Variants in USP13 observed in about 807,000 individuals in gnomAD.
USP13 encodes the protein ubiquitin carboxyl-terminal hydrolase 13.
In USP13, 68 loss-of-function variants were observed where a neutral mutation model predicts 107.8. The ratio of observed to expected loss-of-function variants is 0.63; its 90% CI spans 0.52 to 0.77. USP13 has a LOEUF of 0.77. Among genes scored for constraint, USP13 ranks in the 30% least tolerant of loss-of-function variants. The pLI, the probability that USP13 is intolerant of heterozygous loss-of-function variation, is 0.00. For missense variants in USP13, 945 were observed against 1,093.3 expected, an observed-to-expected ratio of 0.86 and a Z score of 1.91; for synonymous variants, 377 against 389.5, an observed-to-expected ratio of 0.97 and a Z score of 0.38.
At chr3:179,706,801 C>A (rs751898399) in intron 4 of USP13, 133 bp from the exon 5 acceptor site, 10 of 1,062,264 alleles carry the variant, frequency 9.4e-6, no homozygotes, top group Non-Finnish European at 1.3e-5. Flanking sequence ...AAACAGGATC[C>A]CTCTCTTGCG....
At chr3:179,778,899 A>G (rs1339846115) in intron 19 of USP13, among the ~76,000 whole-genome samples, 2 of 152,286 alleles carry the variant, frequency 1.3e-5, no homozygotes, top group South Asian at 2.1e-4. Flanking sequence ...TTTATAAGGA[A>G]GGTTCAGGAA....
At chr3:179,736,250 G>C (rs1713992877) in intron 10 of USP13, among the ~76,000 whole-genome samples, 1 of 152,168 alleles carries the variant, frequency 6.6e-6, no homozygotes, top group Non-Finnish European at 1.5e-5. Context: ...GCTTCCTTGA[G>C]GTATTGTTTG....
chr3:179,701,068 T>C lies in USP13; in HGVS notation c.416T>C (p.Leu139Pro). ...DDYEYEDEAK[L>P]VIFPDHYEIA... ...TATGAATATGAAGATGAAGCCAAAC[T>C]TGTTATATTCCCAGATCACTATGAA... The change falls in exon 4 of 21, where the codon CTT (leucine) becomes CCT (proline). Residue 139 changes from leucine (L) to proline (P), a missense_variant. Leu to Pro is a moderately conservative substitution (Grantham distance 98, BLOSUM62 -3). Transcript: ENST00000263966. 1 of 1,614,040 alleles carries C rather than the reference T, an allele frequency of 6.2e-7. No homozygotes were observed. Among genetic ancestry groups the C allele is most frequent in the Non-Finnish European group, 8.5e-7 (1 of 1,180,002 alleles).
rs577362780 is a variant in USP13, at chr3:179,666,350, G to T, written c.168+12957G>T. Among the ~76,000 whole-genome samples the T allele has an allele frequency of 6.6e-5, 10 of 152,344 alleles. No individual in the cohort carries two copies. The South Asian group carries it at 1.7e-3, about 25-fold the overall frequency. On this transcript the variant is annotated intron_variant, in intron 1 of 20. Transcript: ENST00000263966. The stretch of plus-strand genomic sequence containing the variant: ...TCTTTTGGAGGTGCCATTTGGGGCA[G>T]GTTCTGCCATTGAGTGTCCAGCCTG...
Position 179,786,200 on chromosome 3 carries a change from A to G in USP13, c.*2059A>G, listed in dbSNP as rs1391769749. ...CACAGTAAGCAGCCTTACAAAATCC[A>G]GTCCCCTTAGGGCAGAGTGAGTGTC... is the stretch of plus-strand genomic sequence containing the variant. On this transcript the variant is annotated 3_prime_UTR_variant, in exon 21 of 21. Transcript: ENST00000263966. 2 of 152,172 alleles carry G rather than the reference A, an allele frequency of 1.3e-5. No homozygotes were observed. The highest frequency in any genetic ancestry group is 2.4e-5 in the African/African-American group (1 of 41,436). The allele number at this position is 152,172 out of a possible 1,614,324, so 9.4% of individuals were successfully genotyped here. A position where few individuals can be genotyped will look rare whatever the true frequency, so the allele number is the denominator to read the frequency against.
chr3:179,659,847 G>A (rs1720404878), intron 1 of USP13, among the ~76,000 whole-genome samples: 1 of 152,110 alleles, frequency 6.6e-6, no homozygotes, highest in Non-Finnish European at 1.5e-5. Context: ...TTCGAGACCA[G>A]CCTGGCCAAC....
At chr3:179,656,240 A>C (rs1720257148) in intron 1 of USP13, among the ~76,000 whole-genome samples, 1 of 152,264 alleles carries the variant, frequency 6.6e-6, no homozygotes, top group Non-Finnish European at 1.5e-5. Flanking sequence ...AGTAGCAAGA[A>C]GTGAGGTAGA....
Position 179,788,662 on chromosome 3 carries a change from C to T in USP13, c.*4521C>T, listed in dbSNP as rs1715977111. ...AATTGAAATTAAAATTCTTTTCACC[C>T]ATTTTTATTTTTTTAAAAATGTGGC... is the stretch of plus-strand genomic sequence containing the variant. On this transcript the variant is annotated 3_prime_UTR_variant, in exon 21 of 21. Coordinates refer to ENST00000263966, the MANE Select transcript of USP13 (RefSeq NM_003940.3). The T allele has an allele frequency of 6.6e-6, 1 of 151,968 alleles. No individual in the cohort carries two copies. Among genetic ancestry groups the T allele is most frequent in the Admixed American group, 6.6e-5 (1 of 15,264 alleles). The allele number at this position is 151,968 out of a possible 1,614,324, so 9.4% of individuals were successfully genotyped here. A position where few individuals can be genotyped will look rare whatever the true frequency, so the allele number is the denominator to read the frequency against.
intron 8 of USP13, among the ~76,000 whole-genome samples, chr3:179,723,835 AGT>A (rs1266506198): frequency 1.3e-5 from 2 of 152,072 alleles, no homozygotes; most frequent in Non-Finnish European, 2.9e-5. Flanking sequence ...ATTCAGGAGC[AGT>A]GTCTTCATTT....
chr3:179,729,304 A>G (rs1713707767), intron 8 of USP13, among the ~76,000 whole-genome samples: 1 of 152,202 alleles, frequency 6.6e-6, no homozygotes, highest in South Asian at 2.1e-4. Flanking sequence ...TCAGACAGCA[A>G]GGATGGGTGA....
intron 1 of USP13, among the ~76,000 whole-genome samples, chr3:179,654,365 A>G (rs1180592755): frequency 2.6e-5 from 4 of 152,134 alleles, no homozygotes; most frequent in Admixed American, 1.3e-4. Context: ...GCGCAAGTAT[A>G]AATTATTAAA....
intron 8 of USP13, among the ~76,000 whole-genome samples, chr3:179,726,074 AAGTC>A (rs1227414888): frequency 4.6e-5 from 7 of 152,172 alleles, no homozygotes; most frequent in Non-Finnish European, 7.4e-5. Flanking sequence ...GCTAAGAAGA[AAGTC>A]AGTCAGAAGC....
At chr3:179,769,548 C>G (rs555354046) in intron 19 of USP13, among the ~76,000 whole-genome samples, 1 of 152,160 alleles carries the variant, frequency 6.6e-6, no homozygotes, top group Admixed American at 6.5e-5. Context: ...ACTGGCATTA[C>G]AGGCATGCAC....
At chr3:179,684,298 C>CACAT (rs1711785634) in intron 2 of USP13, among the ~76,000 whole-genome samples, 1 of 148,132 alleles carries the variant, frequency 6.8e-6, no homozygotes, top group Non-Finnish European at 1.5e-5. Context: ...CACACACACA[C>CACAT]ACACACACAC....
chr3:179,685,526 T>G (rs927354663), intron 2 of USP13, among the ~76,000 whole-genome samples: 1 of 152,112 alleles, frequency 6.6e-6, no homozygotes, highest in Non-Finnish European at 1.5e-5. Flanking sequence ...TAATTTTGAC[T>G]TGCTACTGAA....
chr3:179,746,210 ATG>A (rs1317772958), intron 13 of USP13, among the ~76,000 whole-genome samples: 2 of 147,012 alleles, frequency 1.4e-5, no homozygotes, highest in Non-Finnish European at 3.0e-5. Context: ...TATATATAAA[ATG>A]TATATATATA....
chr3:179,706,819 C>T (rs940098148), intron 4 of USP13, 115 bp from the exon 5 acceptor site: 43 of 1,240,522 alleles, frequency 3.5e-5, no homozygotes, highest in South Asian at 3.4e-4. Context: ...GCGACAACTA[C>T]GCTGTTTGCG....
At chr3:179,710,201 T>C (rs1712872134) in intron 6 of USP13, among the ~76,000 whole-genome samples, 2 of 152,178 alleles carry the variant, frequency 1.3e-5, no homozygotes, top group South Asian at 4.1e-4. Context: ...TCTTCCAGGA[T>C]TGAAAGGAAA....
chr3:179,761,644 C>T (rs974555433), intron 17 of USP13, among the ~76,000 whole-genome samples: 4 of 152,258 alleles, frequency 2.6e-5, no homozygotes, highest in South Asian at 2.1e-4. Context: ...ATCGCTTGAA[C>T]GCAGGAGGCG....
Sources: allele counts gnomAD v4.1 joint callset (sites outside exome capture counted in the v4.1 genomes callset), GRCh38; gene constraint gnomAD v4.1.1; transcripts MANE v1.5; gene names NCBI Gene and HGNC (gene_info 2026-07-23, HGNC 2026-07-21).